The following CSMD3 variants were observed in gnomAD, a reference collection of about 807,000 sequenced individuals.
The protein encoded by CSMD3 is CUB and Sushi multiple domains 3.
A neutral mutation model predicts 435.2 loss-of-function variants in CSMD3; 177 were observed. The ratio of observed to expected loss-of-function variants is 0.41; its 90% CI spans 0.36 to 0.46. CSMD3 has a LOEUF of 0.46. Among genes scored for constraint, CSMD3 ranks in the 20% least tolerant of loss-of-function variants. CSMD3 has a pLI of 0.34. For missense variants in CSMD3, 4,265 were observed against 4,504.6 expected, an observed-to-expected ratio of 0.95 and a Z score of 1.52; for synonymous variants, 1,656 against 1,520.5, an observed-to-expected ratio of 1.09 and a Z score of -2.07.
chr8:113,199,222 T>C (rs2092692005), intron 3 of CSMD3, among the ~76,000 whole-genome samples: 1 of 151,430 alleles, frequency 6.6e-6, no homozygotes, highest in South Asian at 2.1e-4. Flanking sequence ...GACAGGAACT[T>C]ATAAATAAGT....
chr8:112,253,653 AAAATCT>A (rs1452023865), intron 63 of CSMD3, among the ~76,000 whole-genome samples: 1 of 151,960 alleles, frequency 6.6e-6, no homozygotes, highest in Non-Finnish European at 1.5e-5. Flanking sequence ...ATCTCTACCT[AAAATCT>A]AAATTGGAAA....
chr8:112,353,255 G>A (rs1826300680), intron 38 of CSMD3, among the ~76,000 whole-genome samples: 1 of 152,016 alleles, frequency 6.6e-6, no homozygotes, highest in Non-Finnish European at 1.5e-5. Context: ...TCCAGGTGTG[G>A]TGGCAGGTGC....
chr8:113,276,374 A>G (rs2093570366), intron 3 of CSMD3, among the ~76,000 whole-genome samples: 1 of 152,086 alleles, frequency 6.6e-6, no homozygotes, highest in Non-Finnish European at 1.5e-5. Flanking sequence ...AGACAGATAC[A>G]TCAGAGGGGA....
chr8:112,962,159 CT>C (rs985517435), intron 7 of CSMD3, among the ~76,000 whole-genome samples: 43 of 150,248 alleles, frequency 2.9e-4, no homozygotes, highest in African/African-American at 9.3e-4. Context: ...TTTCTTGGGA[CT>C]TTTTTTTTCT....
chr8:112,800,659 G>A (rs1044633379), intron 12 of CSMD3, among the ~76,000 whole-genome samples: 1 of 151,950 alleles, frequency 6.6e-6, no homozygotes, highest in Non-Finnish European at 1.5e-5. Flanking sequence ...TTGTTCTAGA[G>A]AAATATTGTT....
At chr8:113,407,900 T>G (rs2094540055) in intron 1 of CSMD3, among the ~76,000 whole-genome samples, 1 of 152,146 alleles carries the variant, frequency 6.6e-6, no homozygotes, top group African/African-American at 2.4e-5. Flanking sequence ...GACAAACAGT[T>G]ACATCTATTT....
intron 1 of CSMD3, among the ~76,000 whole-genome samples, chr8:113,333,373 T>A (rs565446618): frequency 1.3e-5 from 2 of 151,830 alleles, no homozygotes; most frequent in East Asian, 3.9e-4. Flanking sequence ...ATTTTAAACA[T>A]TTTTTGTATC....
chr8:113,089,821 A>T (rs2089939977), intron 5 of CSMD3, among the ~76,000 whole-genome samples: 2 of 152,116 alleles, frequency 1.3e-5, no homozygotes, highest in African/African-American at 4.8e-5. Flanking sequence ...TCATCTTATA[A>T]GGTCTGATAT....
At chr8:112,540,359 A>G (rs192503112) in intron 27 of CSMD3, among the ~76,000 whole-genome samples, 1 of 152,156 alleles carries the variant, frequency 6.6e-6, no homozygotes, top group Non-Finnish European at 1.5e-5. Context: ...CAGCAACTAT[A>G]TAAAATAGTA....
chr8:112,839,380 A>G (rs2080117138), intron 11 of CSMD3, among the ~76,000 whole-genome samples: 1 of 151,848 alleles, frequency 6.6e-6, no homozygotes. Flanking sequence ...ACATAAAATG[A>G]AAAATTCATC....
intron 4 of CSMD3, among the ~76,000 whole-genome samples, chr8:113,109,803 G>A (rs1464984857): frequency 1.3e-5 from 2 of 152,134 alleles, no homozygotes; most frequent in African/African-American, 4.8e-5. Context: ...ACTCTTCATG[G>A]TGGCTTCACT....
chr8:113,057,913 G>A (rs1187866028), intron 5 of CSMD3, among the ~76,000 whole-genome samples: 2 of 151,696 alleles, frequency 1.3e-5, no homozygotes, highest in African/African-American at 2.4e-5. Context: ...GAACTACATT[G>A]TAATACGTGT....
At chr8:112,816,072 CTCTACAGCTCATGGCATA>C in intron 12 of CSMD3, among the ~76,000 whole-genome samples, 1 of 152,236 alleles carries the variant, frequency 6.6e-6, no homozygotes, top group Middle Eastern at 3.4e-3. Context: ...GACTACAGAG[CTCTACAGCTCATGGCATA>C]TCTACAGCTC....
intron 3 of CSMD3, among the ~76,000 whole-genome samples, chr8:113,250,676 A>G (rs1408217774): frequency 2.0e-5 from 3 of 152,142 alleles, no homozygotes; most frequent in Non-Finnish European, 4.4e-5. Context: ...GTCAAAATGT[A>G]GAGTATACAT....
chr8:112,327,110 G>C (rs1823589628), intron 45 of CSMD3, among the ~76,000 whole-genome samples: 1 of 152,130 alleles, frequency 6.6e-6, no homozygotes, highest in Non-Finnish European at 1.5e-5. Flanking sequence ...AAATCCATGA[G>C]TTTAGCAACA....
rs574341501 is a variant in CSMD3, at chr8:112,256,990, T to A, written c.9863-1563A>T. Among the ~76,000 whole-genome samples the A allele has an allele frequency of 4.0e-3, 610 of 152,296 alleles. 5 individuals are homozygous for A. The highest frequency in any genetic ancestry group is 6.6e-3 in the Admixed American group (101 of 15,288). ...ATACCTTAATTATAGACTACCATAA[T>A]CTTGGCCTTAATGTCCAAATAAAAC... On this transcript the variant is annotated intron_variant, in intron 61 of 70. Coordinates refer to ENST00000297405, the MANE Select transcript of CSMD3 (RefSeq NM_198123.2).
intron 4 of CSMD3, among the ~76,000 whole-genome samples, chr8:113,101,974 C>T (rs1049627473): frequency 6.6e-6 from 1 of 151,998 alleles, no homozygotes; most frequent in Non-Finnish European, 1.5e-5. Context: ...GAACATACTA[C>T]CTAAGTCAAT....
chr8:112,613,277 GT>G (rs1833403981), intron 22 of CSMD3, among the ~76,000 whole-genome samples: 2 of 152,086 alleles, frequency 1.3e-5, no homozygotes, highest in South Asian at 2.1e-4. Context: ...TACAATAGAG[GT>G]TTTTGTTTTC....
chr8:113,380,039 A>G (rs1415945032), intron 1 of CSMD3, among the ~76,000 whole-genome samples: 1 of 152,206 alleles, frequency 6.6e-6, no homozygotes, highest in East Asian at 1.9e-4. Flanking sequence ...ACTGTTGAAA[A>G]AGGCAAACTT....
Sources: allele counts gnomAD v4.1 joint callset (sites outside exome capture counted in the v4.1 genomes callset), GRCh38; gene constraint gnomAD v4.1.1; transcripts MANE v1.5; gene names NCBI Gene and HGNC (gene_info 2026-07-23, HGNC 2026-07-21).